Variants in NR3C2 observed in about 807,000 individuals in gnomAD.
NR3C2 encodes mineralocorticoid receptor.
A neutral mutation model predicts 86.4 loss-of-function variants in NR3C2; 15 were observed. The ratio of observed to expected loss-of-function variants is 0.17; its 90% CI spans 0.12 to 0.27. The LOEUF (loss-of-function observed/expected upper bound fraction) is 0.27. NR3C2 is among the 10% of genes least tolerant of loss of function. The pLI, the probability that NR3C2 is intolerant of heterozygous loss-of-function variation, is 1.00. For synonymous variants in NR3C2, 458 were observed against 450.5 expected (o/e 1.02, Z -0.21); for missense variants, 960 against 1,195.6 (o/e 0.80, Z 2.91).
intron 2 of NR3C2, among the ~76,000 whole-genome samples, chr4:148,288,339 A>G (rs1202080368): frequency 6.6e-6 from 1 of 152,272 alleles, no homozygotes; most frequent in Non-Finnish European, 1.5e-5. Context: ...TAGTTCACTC[A>G]TAATTCATTT....
Position 148,335,426 on chromosome 4 carries a change from G to A in NR3C2, c.1758-75309C>T, listed in dbSNP as rs145557912. On this transcript the variant is annotated intron_variant, in intron 2 of 8. Transcript: ENST00000358102. Reference sequence around the variant, plus strand: ...GTAATGAGAAAATTTCTAGACATGCGCAGATGGAGGCCACATCCCAAGCAG... The same window carrying A: ...GTAATGAGAAAATTTCTAGACATGCACAGATGGAGGCCACATCCCAAGCAG... Among the ~76,000 whole-genome samples, 946 of 152,190 alleles carry A rather than the reference G, an allele frequency of 6.2e-3. 3 individuals carry two copies. The highest frequency in any genetic ancestry group is 8.3e-3 in the Non-Finnish European group (565 of 68,006).
chr4:148,234,681 T>TAAAAA (rs76089180), intron 3 of NR3C2, among the ~76,000 whole-genome samples: 1 of 73,056 alleles, frequency 1.4e-5, no homozygotes, highest in African/African-American at 4.6e-5. Flanking sequence ...AGACTCCAAC[T>TAAAAA]AAAAAAAAAA....
upstream of NR3C2, chr4:148,444,728 G>A (rs554520471): frequency 3.0e-6 from 3 of 985,216 alleles, no homozygotes; most frequent in Admixed American, 1.8e-4. Flanking sequence ...AGGCGGCGAG[G>A]CAGCGGCGCC....
intron 2 of NR3C2, among the ~76,000 whole-genome samples, chr4:148,377,918 C>A (rs1348268868): frequency 6.6e-6 from 1 of 152,082 alleles, no homozygotes; most frequent in African/African-American, 2.4e-5. Flanking sequence ...GTGTGTGGTA[C>A]AAATGAAGAC....
rs190695140 is a variant in NR3C2, at chr4:148,080,011, G to C, written c.*1333C>G. On this transcript the variant is annotated 3_prime_UTR_variant, in exon 9 of 9. Coordinates refer to ENST00000358102, the MANE Select transcript of NR3C2 (RefSeq NM_000901.5). ...GAAAATCTGATTTTCTAAAATGGGA[G>C]GAAAAGATGCTCTCTGAGCCATCAA... is the stretch of plus-strand genomic sequence containing the variant. 6.6e-6 allele frequency: 1 copy of C among 152,262 alleles called. No homozygotes were observed. Among genetic ancestry groups the C allele is most frequent in the Admixed American group, 6.5e-5 (1 of 15,292 alleles). 9.4% of individuals were successfully genotyped at this position (152,262 alleles called of 1,614,324 possible).
chr4:148,349,596 C>T (rs1482835111), intron 2 of NR3C2, among the ~76,000 whole-genome samples: 1 of 151,488 alleles, frequency 6.6e-6, no homozygotes, highest in African/African-American at 2.4e-5. Flanking sequence ...AGCAAACCTT[C>T]TTAAATGAGA....
intron 3 of NR3C2, among the ~76,000 whole-genome samples, chr4:148,234,379 G>A (rs1163106663): frequency 6.6e-6 from 1 of 152,046 alleles, no homozygotes; most frequent in African/African-American, 2.4e-5. Flanking sequence ...TATTTAAAAA[G>A]GGGAGGGAGA....
intron 3 of NR3C2, among the ~76,000 whole-genome samples, chr4:148,199,667 A>G (rs1736618629): frequency 6.6e-6 from 1 of 152,150 alleles, no homozygotes; most frequent in African/African-American, 2.4e-5. Flanking sequence ...CCCTCGGAAA[A>G]CAAGAAAAAG....
intron 2 of NR3C2, among the ~76,000 whole-genome samples, chr4:148,431,409 T>G (rs1749795805): frequency 6.6e-6 from 1 of 152,260 alleles, no homozygotes; most frequent in East Asian, 1.9e-4. Flanking sequence ...TGGGGCACAT[T>G]AGTGATCAGC....
chr4:148,272,192 T>A (rs1270175796), intron 2 of NR3C2, among the ~76,000 whole-genome samples: 1 of 152,082 alleles, frequency 6.6e-6, no homozygotes, highest in Non-Finnish European at 1.5e-5. Flanking sequence ...TGCAGACAAA[T>A]CCCTCCTGGA....
intron 3 of NR3C2, among the ~76,000 whole-genome samples, chr4:148,234,698 A>G (rs1466959360): frequency 4.0e-5 from 6 of 150,636 alleles, no homozygotes; most frequent in Non-Finnish European, 8.8e-5. Flanking sequence ...AAAAAAAAAA[A>G]AGGAGGGAGG....
intron 6 of NR3C2, among the ~76,000 whole-genome samples, chr4:148,151,504 G>A (rs1734100784): frequency 2.0e-5 from 3 of 152,096 alleles, no homozygotes; most frequent in Admixed American, 2.0e-4. Context: ...AACAACTGAT[G>A]TTTCTAATTT....
intron 2 of NR3C2, among the ~76,000 whole-genome samples, chr4:148,427,024 G>A (rs566517126): frequency 2.8e-4 from 43 of 151,606 alleles, no homozygotes; most frequent in African/African-American, 6.8e-4. Context: ...ACACGGTCTC[G>A]GTTCACTGCA....
intron 3 of NR3C2, among the ~76,000 whole-genome samples, chr4:148,223,747 C>T (rs1476373060): frequency 6.6e-6 from 1 of 152,066 alleles, no homozygotes; most frequent in African/African-American, 2.4e-5. Context: ...TCATAAAGAA[C>T]AAAGGTGAGA....
At chr4:148,309,054 A>G (rs1173449835) in intron 2 of NR3C2, among the ~76,000 whole-genome samples, 1 of 152,206 alleles carries the variant, frequency 6.6e-6, no homozygotes, top group Non-Finnish European at 1.5e-5. Context: ...ATACAAAAAA[A>G]AAAGTTTGAG....
intron 2 of NR3C2, among the ~76,000 whole-genome samples, chr4:148,403,362 T>C (rs913449426): frequency 7.2e-5 from 11 of 152,212 alleles, no homozygotes; most frequent in Middle Eastern, 3.4e-3. Context: ...GGGTAATATC[T>C]TTATTACAGA....
intron 6 of NR3C2, among the ~76,000 whole-genome samples, chr4:148,128,340 T>C (rs1034650905): frequency 1.3e-5 from 2 of 152,234 alleles, no homozygotes; most frequent in African/African-American, 4.8e-5. Context: ...TTCAGGTATC[T>C]GGAAGTCCTT....
chr4:148,366,477 TACTC>T (rs1746142482), intron 2 of NR3C2, among the ~76,000 whole-genome samples: 2 of 11,742 alleles, frequency 1.7e-4, no homozygotes, highest in African/African-American at 2.1e-4. Context: ...TTTTAAAAAG[TACTC>T]AGCACTTTTA....
intron 4 of NR3C2, among the ~76,000 whole-genome samples, chr4:148,162,200 T>G (rs2149776048): frequency 6.6e-6 from 1 of 152,166 alleles, no homozygotes; most frequent in South Asian, 2.1e-4. Flanking sequence ...ACAGAGACAA[T>G]AACAAATTTC....
Sources: gnomAD v4.1 joint callset for allele counts (sites outside exome capture counted in the v4.1 genomes callset) on GRCh38, gnomAD v4.1.1 for gene constraint, MANE v1.5 for transcripts, NCBI Gene and HGNC (gene_info 2026-07-23, HGNC 2026-07-21) for gene names.